The following ZNF184 variants were observed in gnomAD, a reference collection of about 807,000 sequenced individuals.
The protein encoded by ZNF184 is zinc finger protein 184.
ZNF184 carries 16 observed loss-of-function variants against 54.4 expected under a neutral mutation model. That is an observed-to-expected ratio of 0.29 (90% CI 0.20 to 0.45). The LOEUF (loss-of-function observed/expected upper bound fraction) is 0.45, where lower values mean the gene tolerates loss of function less well. Ranked by LOEUF, ZNF184 falls within the 20% of genes least tolerant of loss-of-function variation. The pLI is 1.00. For missense variants in ZNF184, 681 were observed against 888.2 expected, an observed-to-expected ratio of 0.77 and a Z score of 2.97; for synonymous variants, 254 against 295.3, an observed-to-expected ratio of 0.86 and a Z score of 1.43.
At chr6:27,457,115 G>A (rs1025978359) in intron 4 of ZNF184, among the ~76,000 whole-genome samples, 168 bp downstream of exon 4, 1 of 152,034 alleles carries the variant, frequency 6.6e-6, no homozygotes, top group Non-Finnish European at 1.5e-5. Flanking sequence ...CGGGGTTCAG[G>A]AAAATTATTA....
chr6:27,466,992 T>G (rs1561842827), intron 3 of ZNF184, among the ~76,000 whole-genome samples: 1 of 152,234 alleles, frequency 6.6e-6, no homozygotes, highest in African/African-American at 2.4e-5. Context: ...GTGTACCACT[T>G]GCCATAATCC....
At chr6:27,469,853 T>C (rs1490723470) in intron 2 of ZNF184, among the ~76,000 whole-genome samples, 3 of 152,154 alleles carry the variant, frequency 2.0e-5, no homozygotes, top group Non-Finnish European at 4.4e-5. Context: ...TTTTAGGCAT[T>C]AACCAAGGCT....
At chr6:27,454,368 G>A (rs1201386526) in intron 5 of ZNF184, among the ~76,000 whole-genome samples, 3 of 152,174 alleles carry the variant, frequency 2.0e-5, no homozygotes, top group Non-Finnish European at 2.9e-5. Context: ...AGCACAGCAC[G>A]TATTAGTGTA....
At chr6:27,405,517 A>T in the ZNF184 span, 2 of 152,250 alleles carry the variant, frequency 1.3e-5, no homozygotes, top group Non-Finnish European at 2.9e-5. Context: ...CTCGGGGTCT[A>T]GGGGTGCCCC....
At chr6:27,462,080 A>G (rs1763009265) in intron 3 of ZNF184, among the ~76,000 whole-genome samples, 1 of 152,200 alleles carries the variant, frequency 6.6e-6, no homozygotes, top group Non-Finnish European at 1.5e-5. Flanking sequence ...TCCTGCCTCT[A>G]TGGTCAGGAA....
chr6:27,461,020 C>T (rs1449954906), intron 3 of ZNF184, among the ~76,000 whole-genome samples: 1 of 152,148 alleles, frequency 6.6e-6, no homozygotes, highest in Non-Finnish European at 1.5e-5. Context: ...ATTCTGTGTG[C>T]CCAGTGCACT....
chr6:27,451,953 C>T lies in ZNF184; in HGVS notation c.1606G>A (p.Gly536Arg). The change falls in exon 6 of 6, where the codon GGG becomes AGG. Residue 536 changes from glycine (G) to arginine (R), a missense_variant. Coordinates refer to ENST00000683788, the MANE Select transcript of ZNF184 (RefSeq NM_001318891.2). ...GATGAACTCCGAATAAAAGCTTTCC[C>T]ACATTCTTTACATTCATAAGCTTTC... The part of the protein sequence containing the change: ...QEKAYECKEC[G>R]KAFIRSSSLA... The T allele has an allele frequency of 3.1e-6, 5 of 1,613,292 alleles. No individual in the cohort carries two copies. Among genetic ancestry groups the T allele is most frequent in the Non-Finnish European group, 3.4e-6 (4 of 1,179,974 alleles).
At chr6:27,415,803 A>T in the ZNF184 span, among the ~76,000 whole-genome samples, 1 of 152,162 alleles carries the variant, frequency 6.6e-6, no homozygotes, top group Non-Finnish European at 1.5e-5. Flanking sequence ...AAGTTATTTA[A>T]TCTTTCTGTG....
chr6:27,458,857 G>A (rs920351876), intron 3 of ZNF184, among the ~76,000 whole-genome samples: 1 of 152,138 alleles, frequency 6.6e-6, no homozygotes, highest in Admixed American at 6.5e-5. Flanking sequence ...AATGGATAAA[G>A]AAAATGTGGT....
chr6:27,468,991 A>G (rs1763208248), intron 2 of ZNF184, among the ~76,000 whole-genome samples: 1 of 152,214 alleles, frequency 6.6e-6, no homozygotes, highest in Admixed American at 6.5e-5. Context: ...TTTACTGTAT[A>G]TAACTTATAC....
chr6:27,422,146 AAAAAAGAAAG>A, the ZNF184 span, among the ~76,000 whole-genome samples: 1 of 67,000 alleles, frequency 1.5e-5, no homozygotes, highest in African/African-American at 6.3e-5. Flanking sequence ...ACCTCAAAAA[AAAAAAGAAAG>A]AAAGAAAGAA....
Position 27,452,408 on chromosome 6 carries a change from T to A in ZNF184, c.1151A>T (p.His384Leu). The stretch of plus-strand genomic sequence containing the variant: ...ACATTTATAGGTTTTTTCTCCAGTA[T>A]GAATTTTTTGATGTTGAGTAAGGTG... ...STHLTQHQKI[H>L]TGEKTYKCNE... The change falls in exon 6 of 6, where the codon CAT becomes CTT. Residue 384 changes from histidine to leucine, a missense_variant. Coordinates refer to ENST00000683788, the MANE Select transcript of ZNF184 (RefSeq NM_001318891.2). The surrounding 1 kb of genome is among the most constrained non-coding windows in gnomAD (Gnocchi z 5.5). 1.2e-6 allele frequency: 2 copies of A among 1,614,010 alleles called. No homozygotes were observed. Among genetic ancestry groups the A allele is most frequent in the Non-Finnish European group, 1.7e-6 (2 of 1,179,984 alleles).
chr6:27,465,026 A>AAAAAAAAAAAAAAAAAAAAAAC, intron 3 of ZNF184, among the ~76,000 whole-genome samples: 1 of 148,276 alleles, frequency 6.7e-6, no homozygotes. Flanking sequence ...CAAAAAAAAA[A>AAAAAAAAAAAAAAAAAAAAAAC]AAAAAAAAAA....
At chr6:27,409,547 AT>A in the ZNF184 span, among the ~76,000 whole-genome samples, 1 of 151,440 alleles carries the variant, frequency 6.6e-6, no homozygotes, top group Non-Finnish European at 1.5e-5. Context: ...CAAACAAAAA[AT>A]ATATATATTT....
chr6:27,437,272 G>A, the ZNF184 span, among the ~76,000 whole-genome samples: 1 of 152,200 alleles, frequency 6.6e-6, no homozygotes, highest in Non-Finnish European at 1.5e-5. Context: ...TTTAAAAGCA[G>A]AGAGCTTTCT....
the ZNF184 span, among the ~76,000 whole-genome samples, chr6:27,433,840 T>TTTCC: frequency 2.9e-4 from 44 of 152,144 alleles, no homozygotes; most frequent in African/African-American, 8.4e-4. Context: ...TTTCAATTTT[T>TTTCC]TTCCTTCCTT....
intron 3 of ZNF184, among the ~76,000 whole-genome samples, chr6:27,460,892 A>T (rs1172442017): frequency 6.6e-6 from 1 of 152,176 alleles, no homozygotes; most frequent in Non-Finnish European, 1.5e-5. Context: ...AATTCCAGGG[A>T]TGCCTAGATC....
chr6:27,415,402 G>A, the ZNF184 span, among the ~76,000 whole-genome samples: 62 of 152,092 alleles, frequency 4.1e-4, no homozygotes, highest in African/African-American at 1.5e-3. Flanking sequence ...TCTGTTACTG[G>A]AAAAGACTGA....
At chr6:27,446,470 G>A (rs1298386572), downstream of ZNF184, among the ~76,000 whole-genome samples, 1 of 152,246 alleles carries the variant, frequency 6.6e-6, no homozygotes, top group Non-Finnish European at 1.5e-5. Context: ...CAATAGCTGT[G>A]AAGACCTGGC....
Sources: allele counts gnomAD v4.1 joint callset (sites outside exome capture counted in the v4.1 genomes callset), GRCh38; gene constraint gnomAD v4.1.1; non-coding constraint Gnocchi (gnomAD v3.1); transcripts MANE v1.5; gene names NCBI Gene and HGNC (gene_info 2026-07-23, HGNC 2026-07-21).